C12orf76: variants seen among roughly 807,000 people sequenced by gnomAD.
C12orf76 encodes uncharacterized protein C12orf76.
A neutral mutation model predicts 6.8 loss-of-function variants in C12orf76; 6 were observed. The ratio of observed to expected loss-of-function variants is 0.88; its 90% CI spans 0.48 to 1.73. C12orf76 has a LOEUF of 1.73. Ranked by LOEUF, C12orf76 falls within the 40% of genes most tolerant of loss-of-function variation. The probability of loss-of-function intolerance (pLI) is 0.01; values close to 1 mark genes in which losing one functional copy is unlikely to be tolerated. For missense variants in C12orf76, 99 were observed against 98.2 expected, an observed-to-expected ratio of 1.01 and a Z score of -0.03; for synonymous variants, 56 against 43.7, an observed-to-expected ratio of 1.28 and a Z score of -1.11.
intron 2 of C12orf76, among the ~76,000 whole-genome samples, chr12:110,065,138 A>ATG (rs890726205): frequency 8.6e-5 from 13 of 150,914 alleles, no homozygotes; most frequent in Admixed American, 2.6e-4. Flanking sequence ...GTATACATAT[A>ATG]TGTGTGTGTG....
intron 1 of C12orf76, 135 bp downstream of exon 1, chr12:110,048,228 G>T: frequency 8.7e-7 from 1 of 1,144,854 alleles, no homozygotes; most frequent in Non-Finnish European, 1.1e-6. Context: ...CCCCTGAGGG[G>T]CCTCACCTGC....
intron 4 of C12orf76, among the ~76,000 whole-genome samples, chr12:110,056,430 A>AG (rs1197545572): frequency 6.6e-6 from 1 of 152,106 alleles, no homozygotes. Context: ...GAAGAAGCTG[A>AG]GGATTTTACT....
chr12:110,072,996 A>G (rs1251736734), intron 1 of C12orf76, among the ~76,000 whole-genome samples: 1 of 151,954 alleles, frequency 6.6e-6, no homozygotes, highest in Non-Finnish European at 1.5e-5. Flanking sequence ...AACAAAAGGC[A>G]GGTGTTGGTG....
chr12:110,068,316 GAAGAAGAA>G (rs1892915058), upstream of C12orf76, among the ~76,000 whole-genome samples: 3 of 144,556 alleles, frequency 2.1e-5, no homozygotes, highest in Non-Finnish European at 4.7e-5. Context: ...AGAAGAAGAA[GAAGAAGAA>G]GAAGAAGGCG....
rs1174024726 is a variant in C12orf76 at position 110,054,718 on chromosome 12, TA to T, written n.664+2470del. On this transcript the variant is annotated intron_variant and non_coding_transcript_variant, in intron 4 of 4. Coordinates refer to the C12orf76 transcript ENST00000309050. This position sits in a 1 kb window ranked among gnomAD's most constrained non-coding sequence, Gnocchi z 4.4. Reference sequence around the variant, plus strand: ...TATGAACTTCACCCCAATAAAAAAGTAAAAATTATATTTTTTACATATGTAG... The same window carrying T: ...TATGAACTTCACCCCAATAAAAAAGTAAAATTATATTTTTTACATATGTAG... Among the ~76,000 whole-genome samples, 1 of 152,244 alleles carries T rather than the reference TA, an allele frequency of 6.6e-6. No homozygotes were observed. The highest frequency in any genetic ancestry group is 2.4e-5 in the African/African-American group (1 of 41,478).
exon 2 of C12orf76, chr12:110,065,936 C>T (rs1483115608): frequency 1.1e-5 from 17 of 1,613,862 alleles, no homozygotes; most frequent in Middle Eastern, 1.6e-4. Flanking sequence ...CTCTTGGTCC[C>T]GTGTATCACG....
At chr12:110,058,929 C>T in intron 3 of C12orf76, 3 of 1,463,392 alleles carry the variant, frequency 2.1e-6, no homozygotes, top group Non-Finnish European at 2.7e-6. Flanking sequence ...AATTCTTACT[C>T]CCCCCCACCA....
At chr12:110,064,381 A>G (rs1338306218) in intron 2 of C12orf76, among the ~76,000 whole-genome samples, 8 of 152,138 alleles carry the variant, frequency 5.3e-5, no homozygotes. Flanking sequence ...GAGTTCCCCA[A>G]ACATGTGGCC....
At chr12:110,051,524 T>A (rs146606446), upstream of C12orf76, among the ~76,000 whole-genome samples, 1,318 of 152,066 alleles carry the variant, frequency 8.7e-3, 14 homozygotes, top group Non-Finnish European at 0.013. Flanking sequence ...CCCCCTAGGT[T>A]GAAGCGATTC....
rs775564064 is a variant in C12orf76 at position 110,059,002 on chromosome 12, C to G, written n.542G>C. ...GCTAGTATTACCTCCACCTAATAGC[C>G]GAACAAACTGTGGTATGAATGAAGC... On this transcript the variant is annotated non_coding_transcript_exon_variant, in exon 3 of 5. Transcript: ENST00000309050. The G allele has an allele frequency of 1.9e-6, 3 of 1,547,830 alleles. No homozygotes were observed. In the African/African-American group the frequency reaches 4.1e-5, roughly 21 times the overall value.
intron 2 of C12orf76, among the ~76,000 whole-genome samples, chr12:110,061,266 G>C (rs923449459): frequency 2.1e-4 from 32 of 151,946 alleles, no homozygotes; most frequent in African/African-American, 7.3e-4. Context: ...AGTTATTCCA[G>C]CACCTATCAG....
intron 2 of C12orf76, among the ~76,000 whole-genome samples, chr12:110,062,045 T>C (rs1223455602): frequency 1.3e-5 from 2 of 151,854 alleles, no homozygotes; most frequent in African/African-American, 2.4e-5. Flanking sequence ...GGGTGGATCA[T>C]TTGAAGTCAG....
At chr12:110,052,146 T>G (rs1472015985), upstream of C12orf76, among the ~76,000 whole-genome samples, 1 of 151,610 alleles carries the variant, frequency 6.6e-6, no homozygotes. Flanking sequence ...TCCGCCCGCC[T>G]TGGCCTCCCA....
chr12:110,056,966 G>A (rs1469932741), intron 4 of C12orf76: 2 of 552,914 alleles, frequency 3.6e-6, no homozygotes, highest in Non-Finnish European at 6.5e-6. Context: ...AGCAGCATGA[G>A]AACAGACAAA....
chr12:110,043,513 TG>T (rs1009921878), intron 1 of C12orf76, among the ~76,000 whole-genome samples: 1 of 152,168 alleles, frequency 6.6e-6, no homozygotes, highest in Non-Finnish European at 1.5e-5. Context: ...AGTCTCAAGA[TG>T]AGTCTTGACA....
intron 2 of C12orf76, among the ~76,000 whole-genome samples, chr12:110,060,532 G>A (rs529901469): frequency 6.6e-6 from 1 of 152,174 alleles, no homozygotes; most frequent in Admixed American, 6.5e-5. Context: ...TAGCTTGCAG[G>A]AATCCACCTT....
At position 110,042,317 on chromosome 12, in the gene C12orf76, T is replaced by G. The variant is rs746682172; in HGVS notation, c.*57A>C. The G allele has an allele frequency of 7.0e-7, 1 of 1,433,438 alleles. No homozygotes were observed. The highest frequency in any genetic ancestry group is 9.8e-7 in the Non-Finnish European group (1 of 1,017,146). The allele number at this position is 1,433,438 out of a possible 1,614,324, so 88.8% of individuals were successfully genotyped here. ...TTTGGTTCCAACTTCTCCACTGGCC[T>G]GTGTGCAACACAACTTATCCTATTC... On this transcript the variant is annotated 3_prime_UTR_variant, in exon 2 of 2. Coordinates refer to ENST00000615315, the MANE Select transcript of C12orf76 (RefSeq NM_001389625.1).
At chr12:110,051,305 A>C (rs761396926), upstream of C12orf76, 14 of 704,132 alleles carry the variant, frequency 2.0e-5, no homozygotes, top group East Asian at 3.7e-4. Context: ...CTCTCTGCAC[A>C]ATGGGAAGCA....
chr12:110,042,758 G>A (rs1413744817), intron 1 of C12orf76: 2 of 612,826 alleles, frequency 3.3e-6, no homozygotes, highest in Non-Finnish European at 5.8e-6. Flanking sequence ...CCGAGGAGGA[G>A]ACTCACAAAC....
Sources: allele counts gnomAD v4.1 joint callset (sites outside exome capture counted in the v4.1 genomes callset), GRCh38; gene constraint gnomAD v4.1.1; non-coding constraint Gnocchi (gnomAD v3.1); transcripts MANE v1.5; gene names NCBI Gene and HGNC (gene_info 2026-07-23, HGNC 2026-07-21).